The following VWA3B variants were observed in gnomAD, a reference collection of about 807,000 sequenced individuals.
VWA3B encodes von Willebrand factor A domain containing 3B, also known as von Willebrand factor A domain-containing protein 3B.
VWA3B carries 138 observed loss-of-function variants against 158.3 expected under a neutral mutation model. That is an observed-to-expected ratio of 0.87 (90% CI 0.76 to 1.00). VWA3B has a LOEUF of 1.00. Ranked by LOEUF, VWA3B falls within the 50% of genes least tolerant of loss-of-function variation. The pLI, the probability that VWA3B is intolerant of heterozygous loss-of-function variation, is 0.00. For missense variants in VWA3B, 1,555 were observed against 1,565.1 expected (o/e 0.99, Z 0.11); for synonymous variants, 596 against 587.3 (o/e 1.01, Z -0.21).
intron 7 of VWA3B, among the ~76,000 whole-genome samples, chr2:98,147,341 C>T (rs774611678): frequency 5.9e-4 from 89 of 151,994 alleles, no homozygotes; most frequent in Non-Finnish European, 8.8e-4. Context: ...ATAATATAGA[C>T]GATTTGGAAA....
intron 19 of VWA3B, among the ~76,000 whole-genome samples, chr2:98,241,723 G>C (rs947548939): frequency 6.6e-6 from 1 of 152,040 alleles, no homozygotes; most frequent in Admixed American, 6.5e-5. Flanking sequence ...CAGTTCTCAA[G>C]CACATCCCAT....
rs192988539 is a variant in VWA3B at position 98,139,854 on chromosome 2, T to C, written c.988+5915T>C. 1.2e-3 allele frequency among the ~76,000 whole-genome samples: 181 copies of C among 152,210 alleles called. No individual in the cohort carries two copies. In the Middle Eastern group the frequency reaches 0.017, roughly 14 times the overall value. On this transcript the variant is annotated intron_variant, in intron 7 of 27. Transcript: ENST00000477737. Reference sequence around the variant, plus strand: ...GCAGTGGTAACCCCCTCAGGTCCCCTCAGGCTGTGGAAGCTTTGTTCTTTC... The same window carrying C: ...GCAGTGGTAACCCCCTCAGGTCCCCCCAGGCTGTGGAAGCTTTGTTCTTTC...
intron 8 of VWA3B, among the ~76,000 whole-genome samples, chr2:98,167,076 A>T (rs1679144465): frequency 6.6e-6 from 1 of 152,180 alleles, no homozygotes; most frequent in Non-Finnish European, 1.5e-5. Flanking sequence ...GGAAGGCAGC[A>T]GCTGTTCCCC....
chr2:98,151,284 G>T (rs1445122060), intron 7 of VWA3B, among the ~76,000 whole-genome samples: 1 of 152,142 alleles, frequency 6.6e-6, no homozygotes, highest in Admixed American at 6.5e-5. Context: ...AGCTAATTTT[G>T]TATTTTTAGT....
intron 21 of VWA3B, among the ~76,000 whole-genome samples, chr2:98,265,462 G>A (rs1354552045): frequency 1.1e-4 from 17 of 152,088 alleles, no homozygotes; most frequent in Non-Finnish European, 1.9e-4. Context: ...ATTTGGGTTG[G>A]TTCCAAGTCT....
intron 19 of VWA3B, among the ~76,000 whole-genome samples, chr2:98,249,071 A>G (rs542547536): frequency 6.6e-6 from 1 of 152,234 alleles, no homozygotes; most frequent in South Asian, 2.1e-4. Context: ...AATTTCCCAC[A>G]TTTCTAAAAT....
chr2:98,091,484 T>G (rs188611408), intron 1 of VWA3B, among the ~76,000 whole-genome samples: 1 of 152,314 alleles, frequency 6.6e-6, no homozygotes, highest in East Asian at 1.9e-4. Context: ...TTTAGAATCT[T>G]AACTCCACCC....
intron 23 of VWA3B, among the ~76,000 whole-genome samples, chr2:98,297,206 C>T (rs1200004729): frequency 3.9e-5 from 6 of 152,042 alleles, no homozygotes; most frequent in African/African-American, 1.5e-4. Context: ...CTCAGCCTCC[C>T]GAGTAGCTGG....
At chr2:98,179,098 T>C (rs1033229695) in intron 8 of VWA3B, 6 of 405,622 alleles carry the variant, frequency 1.5e-5, no homozygotes, top group East Asian at 1.4e-4. Flanking sequence ...ACTCCCACCA[T>C]GGTCTCTTTC....
chr2:98,289,708 T>A (rs1689376157), intron 22 of VWA3B, among the ~76,000 whole-genome samples: 1 of 152,210 alleles, frequency 6.6e-6, no homozygotes, highest in Non-Finnish European at 1.5e-5. Context: ...GCTAGTGGAC[T>A]TTTCTGTTGA....
At chr2:98,119,433 C>T (rs1391962981) in intron 3 of VWA3B, 80 bp from the exon 4 acceptor site, 3 of 1,506,588 alleles carry the variant, frequency 2.0e-6, no homozygotes, top group Admixed American at 1.9e-5. Flanking sequence ...TATGAGTGCA[C>T]AGTTCTCGGT....
At chr2:98,199,607 T>A (rs757534360) in intron 12 of VWA3B, among the ~76,000 whole-genome samples, 2 of 152,196 alleles carry the variant, frequency 1.3e-5, no homozygotes, top group African/African-American at 2.4e-5. Context: ...AAACCAAATC[T>A]TCTATAATGG....
chr2:98,148,029 G>T (rs376639878), intron 7 of VWA3B, among the ~76,000 whole-genome samples: 43 of 152,118 alleles, frequency 2.8e-4, no homozygotes, highest in African/African-American at 9.4e-4. Context: ...TCCCTACAAA[G>T]GACAGGAACT....
intron 13 of VWA3B, among the ~76,000 whole-genome samples, chr2:98,214,625 T>C (rs958943708): frequency 3.9e-5 from 6 of 152,218 alleles, no homozygotes. Context: ...ACTGTTAGCC[T>C]ATTATACACA....
At chr2:98,096,966 G>T (rs1279021837) in intron 2 of VWA3B, among the ~76,000 whole-genome samples, 1 of 151,984 alleles carries the variant, frequency 6.6e-6, no homozygotes, top group Non-Finnish European at 1.5e-5. Flanking sequence ...ATATATTTGA[G>T]ATATATATTT....
intron 12 of VWA3B, among the ~76,000 whole-genome samples, chr2:98,199,555 A>G (rs1227957056): frequency 6.6e-6 from 1 of 152,170 alleles, no homozygotes; most frequent in Non-Finnish European, 1.5e-5. Context: ...ACTCTTGCTC[A>G]TGCATTAGGT....
chr2:98,134,027 A>T, intron 7 of VWA3B, 88 bp downstream of exon 7: 3 of 1,058,150 alleles, frequency 2.8e-6, no homozygotes, highest in Non-Finnish European at 4.4e-6. Flanking sequence ...TACGAGGGAG[A>T]GACTCCCCAT....
chr2:98,267,350 T>G (rs1687908999), intron 21 of VWA3B, among the ~76,000 whole-genome samples: 1 of 152,138 alleles, frequency 6.6e-6, no homozygotes, highest in African/African-American at 2.4e-5. Context: ...TGGATTACAT[T>G]TATTGATTTG....
At position 98,212,014 on chromosome 2, in the gene VWA3B, G is replaced by A. The variant is rs565418737; in HGVS notation, c.1822G>A (p.Gly608Arg). The change falls in exon 13 of 28, where the codon GGG becomes AGG. Residue 608 changes from glycine (G) to arginine (R), a missense_variant. Physicochemically the swap from Gly to Arg is moderately radical, Grantham distance 125. Transcript: ENST00000477737. ...ETQAIYLLTD[G>R]RPDQPPETVI... The stretch of plus-strand genomic sequence containing the variant: ...ACAGGCAATCTACCTTCTGACCGAT[G>A]GGAGACCTGATCAGGTACTTACCAG... 6.2e-7 allele frequency: 1 copy of A among 1,614,022 alleles called. No individual in the cohort carries two copies. Among genetic ancestry groups the A allele is most frequent in the South Asian group, 1.1e-5 (1 of 91,054 alleles).
Sources: gnomAD v4.1 joint callset for allele counts (sites outside exome capture counted in the v4.1 genomes callset) on GRCh38, gnomAD v4.1.1 for gene constraint, MANE v1.5 for transcripts, NCBI Gene and HGNC (gene_info 2026-07-23, HGNC 2026-07-21) for gene names.